C16orf74: variants seen among roughly 807,000 people sequenced by gnomAD.
The protein encoded by C16orf74 is uncharacterized protein C16orf74.
Under a neutral mutation model 6.5 loss-of-function variants are expected in C16orf74, and 10 were observed. That is an observed-to-expected ratio of 1.54 (90% CI 0.95 to 2.61). C16orf74 has a LOEUF of 2.61. C16orf74 is among the 30% of genes most tolerant of loss of function. The probability of loss-of-function intolerance (pLI) is 0.00; values close to 1 mark genes in which losing one functional copy is unlikely to be tolerated. For missense variants in C16orf74, 141 were observed against 105.9 expected (o/e 1.33, Z -1.45); for synonymous variants, 60 against 42.5 (o/e 1.41, Z -1.60).
At position 85,710,203 on chromosome 16, in the gene C16orf74, G is replaced by C; in HGVS notation, c.133C>G (p.Pro45Ala). The change falls in exon 3 of 4, where the codon CCC (proline) becomes GCC (alanine). Residue 45 changes from proline to alanine, a missense_variant. Physicochemically the swap from Pro to Ala is conservative, Grantham distance 27 (BLOSUM62 -1). Coordinates refer to ENST00000284245, the MANE Select transcript of C16orf74 (RefSeq NM_206967.3). Reference sequence around the variant, plus strand: ...TCCCTCGGCAGCATCATGCCCGTGGGGGTGGGGGGCGTGATGATGATGTCG... The same window carrying C: ...TCCCTCGGCAGCATCATGCCCGTGGCGGTGGGGGGCGTGATGATGATGTCG... ...VPDIIITPPT[P>A]TGMMLPRDLG... 6.7e-7 allele frequency: 1 copy of C among 1,494,558 alleles called. No individual in the cohort carries two copies. The highest frequency in any genetic ancestry group is 8.8e-7 in the Non-Finnish European group (1 of 1,133,676). The allele number at this position is 1,494,558 out of a possible 1,614,324, so 92.6% of individuals were successfully genotyped here.
Position 85,732,665 on chromosome 16 carries a change from CAAAAAAAA to C in C16orf74, c.28+2517_28+2524del, listed in dbSNP as rs66539936. ...TGGGTGACAGAGCGAGACTCTGTCT[CAAAAAAAA>C]AAAAAAAAAAAAAAAAGAGTTCTGG... On this transcript the variant is annotated intron_variant, in intron 2 of 3. Coordinates refer to ENST00000284245, the MANE Select transcript of C16orf74 (RefSeq NM_206967.3). 1.6e-4 allele frequency among the ~76,000 whole-genome samples: 7 copies of C among 44,176 alleles called. No individual in the cohort carries two copies. The Admixed American group carries it at 2.1e-3, about 13-fold the overall frequency. 29.0% of individuals were successfully genotyped at this position (44,176 alleles called of 152,430 possible). A position where few individuals can be genotyped will look rare whatever the true frequency, so the allele number is the denominator to read the frequency against.
At chr16:85,714,102 A>G (rs537678042) in intron 2 of C16orf74, among the ~76,000 whole-genome samples, 20 of 152,250 alleles carry the variant, frequency 1.3e-4, no homozygotes, top group Admixed American at 1.3e-3. Flanking sequence ...CTGTTAGTCT[A>G]ACTCTTTGCA....
At chr16:85,721,272 G>T (rs1444757879) in intron 2 of C16orf74, among the ~76,000 whole-genome samples, 1 of 152,030 alleles carries the variant, frequency 6.6e-6, no homozygotes, top group African/African-American at 2.4e-5. Context: ...ACACTCGTGT[G>T]TGACCCAGGG....
intron 2 of C16orf74, among the ~76,000 whole-genome samples, chr16:85,712,099 T>A (rs963804704): frequency 6.6e-6 from 1 of 152,192 alleles, no homozygotes; most frequent in Non-Finnish European, 1.5e-5. Flanking sequence ...ACGAGGATGC[T>A]CAAGCAGCCT....
intron 2 of C16orf74, among the ~76,000 whole-genome samples, chr16:85,716,364 G>A (rs1258699198): frequency 7.0e-6 from 1 of 142,522 alleles, no homozygotes; most frequent in African/African-American, 2.6e-5. Context: ...AGAGGAGGAA[G>A]GGAGGGAAGG....
chr16:85,725,251 G>A (rs1410419495), intron 2 of C16orf74, among the ~76,000 whole-genome samples: 1 of 152,134 alleles, frequency 6.6e-6, no homozygotes, highest in Non-Finnish European at 1.5e-5. Context: ...CCTGCCTCCT[G>A]GGCAGAGATC....
intron 2 of C16orf74, among the ~76,000 whole-genome samples, chr16:85,712,608 G>A (rs1313157476): frequency 6.6e-6 from 1 of 152,194 alleles, no homozygotes; most frequent in Admixed American, 6.5e-5. Context: ...TGCCATTCAG[G>A]CCAAATTCTT....
intron 1 of C16orf74, among the ~76,000 whole-genome samples, chr16:85,750,671 C>G (rs1166607497): frequency 1.3e-5 from 2 of 152,190 alleles, no homozygotes; most frequent in African/African-American, 4.8e-5. Flanking sequence ...CGCGGGGTCA[C>G]ACCCCCACCG....
rs577189860 is a variant in C16orf74 at position 85,710,316 on chromosome 16, C to A, written c.29-9G>T. On this transcript the variant is annotated splice_polypyrimidine_tract_variant and intron_variant, in intron 2 of 3. Coordinates refer to ENST00000284245, the MANE Select transcript of C16orf74 (RefSeq NM_206967.3). Reference sequence around the variant, plus strand: ...GACACACATTTGAAAGCCTGAGAAGCCAGGCGTGGAGCACACACGCACGTA... The same window carrying A: ...GACACACATTTGAAAGCCTGAGAAGACAGGCGTGGAGCACACACGCACGTA... The A allele has an allele frequency of 4.0e-6, 6 of 1,499,208 alleles. No individual in the cohort carries two copies. The highest frequency in any genetic ancestry group is 2.7e-5 in the East Asian group (1 of 36,568). The allele number at this position is 1,499,208 out of a possible 1,614,324, so 92.9% of individuals were successfully genotyped here.
At chr16:85,713,067 T>C (rs2053986181) in intron 2 of C16orf74, among the ~76,000 whole-genome samples, 1 of 152,154 alleles carries the variant, frequency 6.6e-6, no homozygotes, top group Non-Finnish European at 1.5e-5. Context: ...TTCATTGTCT[T>C]ATAGATCTGG....
chr16:85,724,327 G>T (rs2054111537), intron 2 of C16orf74, among the ~76,000 whole-genome samples: 1 of 152,162 alleles, frequency 6.6e-6, no homozygotes, highest in South Asian at 2.1e-4. Context: ...GATACTTCTA[G>T]AGCACGTGGT....
Position 85,708,023 on chromosome 16 carries a change from G to A in C16orf74, c.216C>T (p.Ile72=), listed in dbSNP as rs372115862. The A allele has an allele frequency of 4.0e-5, 62 of 1,553,004 alleles. No homozygotes were observed. The African/African-American group carries it at 5.5e-4, about 14-fold the overall frequency. The change falls in exon 4 of 4, where the codon ATC becomes ATT. Residue 72 remains isoleucine (I), a synonymous_variant. Transcript: ENST00000284245. ...ETGSCPDDGE[I]DPEA is the part of the protein sequence containing the mutation. ...GGACACCTCCTCAGGCTTCTGGGTC[G>A]ATTTCTCCATCATCTGGGCACGACC...
chr16:85,736,927 C>A (rs1289568295), intron 1 of C16orf74, among the ~76,000 whole-genome samples: 2 of 152,214 alleles, frequency 1.3e-5, no homozygotes, highest in East Asian at 3.9e-4. Context: ...GCTTGTAATA[C>A]CGGCTACTCA....
chr16:85,732,393 T>G (rs1484630997), intron 2 of C16orf74, among the ~76,000 whole-genome samples: 1 of 152,118 alleles, frequency 6.6e-6, no homozygotes, highest in Admixed American at 6.6e-5. Context: ...GGGCCAGGTG[T>G]GGTGGCTCAC....
chr16:85,721,559 A>T (rs2054082859), intron 2 of C16orf74, among the ~76,000 whole-genome samples: 1 of 152,180 alleles, frequency 6.6e-6, no homozygotes, highest in Non-Finnish European at 1.5e-5. Flanking sequence ...TCTACTTGAC[A>T]GTATTCCTTA....
rs189727074 is a variant in C16orf74 at position 85,742,405 on chromosome 16, C to T, written c.-18-7170G>A. ...ATAAAAGAGCCTGGCACCTTCCCTG[C>T]TTCCCACTTGCTGCCACCCTCTCGC... On this transcript the variant is annotated intron_variant, in intron 1 of 3. Coordinates refer to ENST00000284245, the MANE Select transcript of C16orf74 (RefSeq NM_206967.3). Among the ~76,000 whole-genome samples the T allele has an allele frequency of 7.9e-5, 12 of 152,280 alleles. No individual in the cohort carries two copies. In the East Asian group the frequency reaches 2.3e-3, roughly 29 times the overall value.
At chr16:85,732,497 C>A (rs971398836) in intron 2 of C16orf74, among the ~76,000 whole-genome samples, 1 of 151,790 alleles carries the variant, frequency 6.6e-6, no homozygotes, top group African/African-American at 2.4e-5. Flanking sequence ...GAAACCCCGT[C>A]TCTACTAAAA....
intron 2 of C16orf74, among the ~76,000 whole-genome samples, chr16:85,713,716 G>C (rs754730531): frequency 6.6e-6 from 1 of 152,116 alleles, no homozygotes; most frequent in African/African-American, 2.4e-5. Context: ...CGAGGAGGTT[G>C]ACTTATGAAT....
chr16:85,707,928 G>T lies in C16orf74; in HGVS notation c.*80C>A. ...CCCATCCAGGGTATTCAGCACACCT[G>T]CTCCAGGCAGCCACGCCCCCGGACA... On this transcript the variant is annotated 3_prime_UTR_variant, in exon 4 of 4. Coordinates refer to ENST00000284245, the MANE Select transcript of C16orf74 (RefSeq NM_206967.3). 1 of 1,275,174 alleles carries T rather than the reference G, an allele frequency of 7.8e-7. No individual in the cohort carries two copies. The highest frequency in any genetic ancestry group is 1.1e-6 in the Non-Finnish European group (1 of 904,336). 79.0% of individuals were successfully genotyped at this position (1,275,174 alleles called of 1,614,324 possible).
Sources: allele counts gnomAD v4.1 joint callset (sites outside exome capture counted in the v4.1 genomes callset), GRCh38; gene constraint gnomAD v4.1.1; transcripts MANE v1.5; gene names NCBI Gene and HGNC (gene_info 2026-07-23, HGNC 2026-07-21).